Variants in IL22RA2 observed in about 807,000 individuals in gnomAD.
IL22RA2 encodes the protein interleukin 22 receptor subunit alpha 2.
Under a neutral mutation model 30.7 loss-of-function variants are expected in IL22RA2, and 39 were observed. The ratio of observed to expected loss-of-function variants is 1.27; its 90% CI spans 0.98 to 1.66. IL22RA2 has a LOEUF of 1.66. Among genes scored for constraint, IL22RA2 ranks in the 40% most tolerant of loss-of-function variants. The probability of loss-of-function intolerance (pLI) is 0.00; values close to 1 mark genes in which losing one functional copy is unlikely to be tolerated. For synonymous variants in IL22RA2, 103 were observed against 105.0 expected, an observed-to-expected ratio of 0.98 and a Z score of 0.11; for missense variants, 315 against 312.7, an observed-to-expected ratio of 1.01 and a Z score of -0.05.
At chr6:137,153,145 C>A (rs1029286582) in intron 5 of IL22RA2, among the ~76,000 whole-genome samples, 2 of 152,122 alleles carry the variant, frequency 1.3e-5, no homozygotes, top group African/African-American at 4.8e-5. Context: ...CACACATACA[C>A]CCATAGATGT....
Position 137,158,399 on chromosome 6 carries a change from G to A in IL22RA2, c.145C>T (p.Pro49Ser), listed in dbSNP as rs1778453549. 2 of 1,614,040 alleles carry A rather than the reference G, an allele frequency of 1.2e-6. No homozygotes were observed. Among genetic ancestry groups the A allele is most frequent in the Non-Finnish European group, 1.7e-6 (2 of 1,179,994 alleles). ...CTGTTGCCAGTAAGTGCCCTCCCAG[G>A]CTGCCATTGCAAAATGTTGTGAAAA... The part of the protein sequence containing the change: ...RNFHNILQWQ[P>S]GRALTGNSSV... Residue 49 changes from proline to serine, a missense_variant, in exon 3 of 7, where the codon CCT (proline) becomes TCT (serine). By Grantham distance (74) the Pro-to-Ser change is moderately conservative (BLOSUM62 -1). Transcript: ENST00000296980.
chr6:137,156,978 A>T, intron 3 of IL22RA2, 124 bp from the exon 4 acceptor site: 3 of 1,277,150 alleles, frequency 2.3e-6, no homozygotes, highest in Non-Finnish European at 3.2e-6. Flanking sequence ...CAAGAGTGAG[A>T]ACTCACTCAA....
intron 5 of IL22RA2, among the ~76,000 whole-genome samples, chr6:137,152,483 T>G (rs202572): frequency 0.6 from 90,599 of 152,020 alleles, 29,261 homozygotes; most frequent in African/African-American, 0.86. Flanking sequence ...TGTATTATAT[T>G]AGTCTATCTA....
rs2114347967 is a variant in IL22RA2, at chr6:137,147,714, G to C, written c.642+8C>G. 1 of 1,522,460 alleles carries C rather than the reference G, an allele frequency of 6.6e-7. No individual in the cohort carries two copies. Among genetic ancestry groups the C allele is most frequent in the East Asian group, 2.3e-5 (1 of 44,072 alleles). The allele number at this position is 1,522,460 out of a possible 1,614,324, so 94.3% of individuals were successfully genotyped here. A position where few individuals can be genotyped will look rare whatever the true frequency, so the allele number is the denominator to read the frequency against. ...AAACTCTAAATATATCTATTCATCT[G>C]AACTTACCTTTTCTAGTGAATTGTT... On this transcript the variant is annotated splice_region_variant and intron_variant, in intron 6 of 6. Coordinates refer to ENST00000296980, the MANE Select transcript of IL22RA2 (RefSeq NM_052962.3).
chr6:137,161,689 C>G lies in IL22RA2; in HGVS notation c.61G>C (p.Gly21Arg), dbSNP rs1778524014. ...AATTAAAAAGAAACAAAGCACTTAC[C>G]TGCTACACCAGTAAGGAAGAAACTG... ...LISFFLTGVA[G>R]TQSTHESLKP... Residue 21 changes from glycine (G) to arginine (R), a missense_variant and splice_region_variant, in exon 2 of 7, where the codon GGA becomes CGA. By Grantham distance (125) the Gly-to-Arg change is moderately radical. Transcript: ENST00000296980. 1.2e-5 allele frequency: 20 copies of G among 1,612,182 alleles called. No individual in the cohort carries two copies. The highest frequency in any genetic ancestry group is 1.7e-5 in the Non-Finnish European group (20 of 1,178,458).
intron 1 of IL22RA2, among the ~76,000 whole-genome samples, chr6:137,165,342 CA>C (rs1259136096): frequency 6.6e-6 from 1 of 152,148 alleles, no homozygotes; most frequent in Admixed American, 6.5e-5. Context: ...GTTAATGTGG[CA>C]TTTGTAAGCC....
At chr6:137,148,738 G>A (rs184322606) in intron 5 of IL22RA2, among the ~76,000 whole-genome samples, 6 of 152,238 alleles carry the variant, frequency 3.9e-5, no homozygotes, top group Middle Eastern at 3.4e-3. Context: ...GGAACCATAA[G>A]TTTTTAAAGC....
chr6:137,151,514 T>A (rs1165505753), intron 5 of IL22RA2, among the ~76,000 whole-genome samples: 1 of 152,166 alleles, frequency 6.6e-6, no homozygotes, highest in African/African-American at 2.4e-5. Flanking sequence ...GATTCTTAGA[T>A]ATGACACCAA....
At chr6:137,172,501 A>G (rs1778760763) in intron 1 of IL22RA2, among the ~76,000 whole-genome samples, 1 of 152,270 alleles carries the variant, frequency 6.6e-6, no homozygotes, top group Admixed American at 6.5e-5. Context: ...TTTCCCATCA[A>G]TCTGGAAGCA....
rs1172478129 is a variant in IL22RA2 at position 137,158,331 on chromosome 6, G to A, written c.197+16C>T. 4 of 1,613,604 alleles carry A rather than the reference G, an allele frequency of 2.5e-6. No homozygotes were observed. Among genetic ancestry groups the A allele is most frequent in the Non-Finnish European group, 3.4e-6 (4 of 1,179,680 alleles). ...AGTGCCATCTCTATCAGCTGAAGGA[G>A]GCTCAATTTACTTACATTTTGTACT... is the stretch of plus-strand genomic sequence containing the variant. On this transcript the variant is annotated intron_variant, in intron 3 of 6. Coordinates refer to ENST00000296980, the MANE Select transcript of IL22RA2 (RefSeq NM_052962.3).
In IL22RA2 at chr6:137,147,186, CAAAAAAAAAAAAAA is replaced by C. The variant is rs11313927; in HGVS notation, c.642+522_642+535del. Among the ~76,000 whole-genome samples the C allele has an allele frequency of 5.6e-5, 4 of 70,872 alleles. No individual in the cohort carries two copies. In the Admixed American group the frequency reaches 5.8e-4, roughly 10 times the overall value. The allele number at this position is 70,872 out of a possible 152,430, so 46.5% of individuals were successfully genotyped here. A position where few individuals can be genotyped will look rare whatever the true frequency, so the allele number is the denominator to read the frequency against. On this transcript the variant is annotated intron_variant, in intron 6 of 6. Transcript: ENST00000296980. ...GCAACATAGTGAGACCTTGCCTCTA[CAAAAAAAAAAAAAA>C]AAAAAAAAAAAAAAAAGCTGGATGT... is the stretch of plus-strand genomic sequence containing the variant.
At chr6:137,165,040 A>G (rs1390678243) in intron 1 of IL22RA2, among the ~76,000 whole-genome samples, 1 of 152,192 alleles carries the variant, frequency 6.6e-6, no homozygotes, top group Non-Finnish European at 1.5e-5. Context: ...CTGGAGAAAA[A>G]TGCATCTTCA....
In IL22RA2 at chr6:137,154,620, A is replaced by AC. The variant is rs1562269859; in HGVS notation, c.472+320_472+321insG. Among the ~76,000 whole-genome samples, 1,875 of 148,510 alleles carry AC rather than the reference A, an allele frequency of 0.013. 119 individuals are homozygous for AC. In the South Asian group the frequency reaches 0.2, roughly 16 times the overall value. On this transcript the variant is annotated intron_variant, in intron 5 of 6. Transcript: ENST00000296980. Reference sequence around the variant, plus strand: ...ACAAAGCGAGACCCTGTCACACACAAACACACACACACACACACACACACA... The same window carrying AC: ...ACAAAGCGAGACCCTGTCACACACAACACACACACACACACACACACACACA...
chr6:137,168,649 C>T (rs1394397118), intron 1 of IL22RA2, among the ~76,000 whole-genome samples: 4 of 130,364 alleles, frequency 3.1e-5, no homozygotes, highest in Non-Finnish European at 6.1e-5. Flanking sequence ...GGAAGGGCTG[C>T]TCTGTTTGCC....
intron 5 of IL22RA2, 127 bp from the exon 6 acceptor site, chr6:137,148,018 G>A: frequency 1.3e-6 from 1 of 794,994 alleles, no homozygotes; most frequent in South Asian, 1.5e-5. Context: ...AGGCTGCAGT[G>A]AGCTATGATC....
At chr6:137,154,856 G>T in intron 5 of IL22RA2, 85 bp downstream of exon 5, 1 of 1,146,654 alleles carries the variant, frequency 8.7e-7, no homozygotes. Flanking sequence ...CCTCAGCAAA[G>T]CACAAGGCCT....
intron 1 of IL22RA2, among the ~76,000 whole-genome samples, chr6:137,171,639 G>A (rs1017674567): frequency 6.6e-6 from 1 of 152,216 alleles, no homozygotes; most frequent in African/African-American, 2.4e-5. Context: ...GCCTGAGACT[G>A]TGAGGCCTTG....
chr6:137,158,560 AC>A, intron 2 of IL22RA2, 78 bp from the exon 3 acceptor site: 1 of 1,444,256 alleles, frequency 6.9e-7, no homozygotes, highest in Admixed American at 1.7e-5. Context: ...TCAGTGGAAT[AC>A]CTGCATCAGG....
At chr6:137,161,187 C>A (rs913498624) in intron 2 of IL22RA2, among the ~76,000 whole-genome samples, 5 of 152,174 alleles carry the variant, frequency 3.3e-5, no homozygotes, top group African/African-American at 1.2e-4. Context: ...TCACAGTGAC[C>A]TAGAATCCCC....
Sources: allele counts gnomAD v4.1 joint callset (sites outside exome capture counted in the v4.1 genomes callset), GRCh38; gene constraint gnomAD v4.1.1; transcripts MANE v1.5; gene names NCBI Gene and HGNC (gene_info 2026-07-23, HGNC 2026-07-21).